The following CCDC181 variants were observed in gnomAD, a reference collection of about 807,000 sequenced individuals.
CCDC181 encodes the protein coiled-coil domain-containing protein 181.
A neutral mutation model predicts 58.7 loss-of-function variants in CCDC181; 35 were observed. The observed-to-expected ratio is 0.60, with a 90% CI of 0.46 to 0.79. The LOEUF (loss-of-function observed/expected upper bound fraction) is 0.79, where lower values mean the gene tolerates loss of function less well. CCDC181 is among the 30% of genes least tolerant of loss of function. The pLI, the probability that CCDC181 is intolerant of heterozygous loss-of-function variation, is 0.00. For synonymous variants in CCDC181, 183 were observed against 197.5 expected (o/e 0.93, Z 0.62); for missense variants, 517 against 583.9 (o/e 0.89, Z 1.18).
At chr1:169,418,748 A>G in intron 4 of CCDC181, 1 of 476,332 alleles carries the variant, frequency 2.1e-6, no homozygotes. Flanking sequence ...TTTGAATAAC[A>G]AAGTTACACC....
chr1:169,427,697 A>G (rs559687635), upstream of CCDC181, among the ~76,000 whole-genome samples: 30 of 152,340 alleles, frequency 2.0e-4, no homozygotes, highest in South Asian at 2.3e-3. Context: ...TCTTAGGACA[A>G]CTTCTAAAAC....
At chr1:169,416,774 C>T (rs1466972053) in intron 4 of CCDC181, among the ~76,000 whole-genome samples, 1 of 151,972 alleles carries the variant, frequency 6.6e-6, no homozygotes, top group Non-Finnish European at 1.5e-5. Flanking sequence ...TCCATATTTC[C>T]TCTTTTAGTT....
At chr1:169,460,265 T>C (rs943954960) in exon 1 of CCDC181, 3 of 152,264 alleles carry the variant, frequency 2.0e-5, no homozygotes, top group Non-Finnish European at 4.4e-5. Flanking sequence ...GATGTGTGAA[T>C]TTCCTTCATC....
chr1:169,415,745 C>T (rs1188793283), intron 4 of CCDC181, among the ~76,000 whole-genome samples: 4 of 152,074 alleles, frequency 2.6e-5, no homozygotes, highest in Non-Finnish European at 5.9e-5. Context: ...CATGCCAGTC[C>T]CAAGGTATAT....
At chr1:169,437,246 G>C (rs918342562) in intron 2 of CCDC181, among the ~76,000 whole-genome samples, 1 of 152,216 alleles carries the variant, frequency 6.6e-6, no homozygotes, top group Non-Finnish European at 1.5e-5. Flanking sequence ...GATCCATCAA[G>C]TGCAGGGTCT....
chr1:169,397,609 C>T (rs1345872913), intron 4 of CCDC181, among the ~76,000 whole-genome samples: 1 of 152,002 alleles, frequency 6.6e-6, no homozygotes, highest in Non-Finnish European at 1.5e-5. Flanking sequence ...GCCCATTTTT[C>T]AAAACTGTAG....
chr1:169,418,965 C>T, intron 4 of CCDC181, 48 bp downstream of exon 4: 1 of 1,479,650 alleles, frequency 6.8e-7, no homozygotes. Context: ...TAAATAAGTT[C>T]AGCTTTCATA....
chr1:169,443,856 C>T (rs1166203053), intron 2 of CCDC181, among the ~76,000 whole-genome samples: 1 of 152,122 alleles, frequency 6.6e-6, no homozygotes, highest in African/African-American at 2.4e-5. Context: ...TTAATTTGCT[C>T]TGTTGTTATA....
At chr1:169,423,917 A>G (rs1466046700) in intron 2 of CCDC181, among the ~76,000 whole-genome samples, 1 of 151,934 alleles carries the variant, frequency 6.6e-6, no homozygotes, top group Non-Finnish European at 1.5e-5. Flanking sequence ...CTTTTCCATT[A>G]TATAAGAAAG....
chr1:169,432,167 CAAAG>C (rs1656938846), upstream of CCDC181, among the ~76,000 whole-genome samples: 1 of 151,836 alleles, frequency 6.6e-6, no homozygotes, highest in Non-Finnish European at 1.5e-5. Flanking sequence ...AAAAAGAAAT[CAAAG>C]AAATTCTAGA....
chr1:169,431,678 C>A (rs1044116597), upstream of CCDC181, among the ~76,000 whole-genome samples: 2 of 152,190 alleles, frequency 1.3e-5, no homozygotes, highest in Admixed American at 6.5e-5. Flanking sequence ...ATCTACCCAA[C>A]CCCAAACCCC....
chr1:169,457,774 A>C (rs544989042), intron 2 of CCDC181, among the ~76,000 whole-genome samples: 3 of 152,288 alleles, frequency 2.0e-5, no homozygotes, highest in East Asian at 3.9e-4. Context: ...AAAGAACATA[A>C]ATATGTAATT....
intron 2 of CCDC181, among the ~76,000 whole-genome samples, chr1:169,447,504 G>A (rs1657409881): frequency 6.6e-6 from 1 of 152,042 alleles, no homozygotes; most frequent in Non-Finnish European, 1.5e-5. Context: ...CTGCCATTGT[G>A]GAAGTATTCT....
At chr1:169,419,811 C>T (rs1656379823) in intron 3 of CCDC181, among the ~76,000 whole-genome samples, 1 of 152,146 alleles carries the variant, frequency 6.6e-6, no homozygotes, top group African/African-American at 2.4e-5. Flanking sequence ...AGCCAAAGCA[C>T]TGATAACGGA....
At chr1:169,444,218 G>T (rs2101750647) in intron 2 of CCDC181, among the ~76,000 whole-genome samples, 1 of 152,290 alleles carries the variant, frequency 6.6e-6, no homozygotes, top group East Asian at 1.9e-4. Flanking sequence ...TTTAAATCAG[G>T]ATAGTGCTTT....
chr1:169,458,879 C>T (rs1657754389), intron 2 of CCDC181, among the ~76,000 whole-genome samples: 1 of 151,446 alleles, frequency 6.6e-6, no homozygotes, highest in Non-Finnish European at 1.5e-5. Context: ...AAATATTTTA[C>T]ATATTTATTT....
At chr1:169,435,725 T>C (rs954134288) in intron 2 of CCDC181, among the ~76,000 whole-genome samples, 1 of 152,182 alleles carries the variant, frequency 6.6e-6, no homozygotes, top group African/African-American at 2.4e-5. Context: ...TAGAGTATCT[T>C]TATTGATATT....
At chr1:169,448,106 A>C (rs1480115710) in intron 2 of CCDC181, among the ~76,000 whole-genome samples, 4 of 152,168 alleles carry the variant, frequency 2.6e-5, no homozygotes, top group Non-Finnish European at 5.9e-5. Context: ...GCAGGTACCT[A>C]ATAACAGAGT....
intron 2 of CCDC181, among the ~76,000 whole-genome samples, chr1:169,439,649 C>G (rs1042900461): frequency 1.3e-5 from 2 of 152,240 alleles, no homozygotes; most frequent in Admixed American, 1.3e-4. Flanking sequence ...AAGTGTTACA[C>G]CAGCTCAGTG....
Sources: gnomAD v4.1 joint callset for allele counts (sites outside exome capture counted in the v4.1 genomes callset) on GRCh38, gnomAD v4.1.1 for gene constraint, MANE v1.5 for transcripts, NCBI Gene and HGNC (gene_info 2026-07-23, HGNC 2026-07-21) for gene names.